Variants in OPCML observed in about 807,000 individuals in gnomAD.
The protein encoded by OPCML is opioid-binding protein/cell adhesion molecule.
In OPCML, 13 loss-of-function variants were observed where a neutral mutation model predicts 37.8. The observed-to-expected ratio is 0.34, with a 90% CI of 0.22 to 0.55. The LOEUF (loss-of-function observed/expected upper bound fraction) is 0.55, where lower values mean the gene tolerates loss of function less well. Among genes scored for constraint, OPCML ranks in the 20% least tolerant of loss-of-function variants. The pLI is 0.91. For missense variants in OPCML, 341 were observed against 435.6 expected (o/e 0.78, Z 1.93); for synonymous variants, 176 against 168.8 (o/e 1.04, Z -0.33).
At chr11:132,450,899 C>G (rs2096066845) in intron 4 of OPCML, among the ~76,000 whole-genome samples, 1 of 152,096 alleles carries the variant, frequency 6.6e-6, no homozygotes, top group Non-Finnish European at 1.5e-5. Context: ...TTCTAAAAAG[C>G]GTTAGCTCTA....
chr11:132,446,995 G>A (rs2096057088), intron 4 of OPCML, among the ~76,000 whole-genome samples: 1 of 152,114 alleles, frequency 6.6e-6, no homozygotes, highest in African/African-American at 2.4e-5. Context: ...TGTTACCTAA[G>A]GGCGCTTTGG....
rs545923548 is a variant in OPCML at position 132,830,027 on chromosome 11, G to A, written c.146+112899C>T. 5.9e-5 allele frequency among the ~76,000 whole-genome samples: 9 copies of A among 152,216 alleles called. No homozygotes were observed. In the South Asian group the frequency reaches 6.2e-4, roughly 11 times the overall value. ...GCATTTACTATAGCACAATGAATCC[G>A]GACTTGTCAGCGTGTATGGCACCGC... is the stretch of plus-strand genomic sequence containing the variant. On this transcript the variant is annotated intron_variant, in intron 2 of 7. Coordinates refer to ENST00000524381, the MANE Select transcript of OPCML (RefSeq NM_001012393.5).
chr11:133,171,455 C>T (rs143825412), intron 1 of OPCML, among the ~76,000 whole-genome samples: 240 of 152,316 alleles, frequency 1.6e-3, no homozygotes, highest in African/African-American at 5.6e-3. Context: ...TCATATAACC[C>T]ATAGTGTTAG....
intron 1 of OPCML, among the ~76,000 whole-genome samples, chr11:133,070,756 G>T (rs1270154478): frequency 6.6e-6 from 1 of 152,194 alleles, no homozygotes; most frequent in Non-Finnish European, 1.5e-5. Flanking sequence ...GGTGGTCTGG[G>T]CAGGCAGCTG....
At chr11:133,077,537 G>T (rs1392760597) in intron 1 of OPCML, among the ~76,000 whole-genome samples, 1 of 152,156 alleles carries the variant, frequency 6.6e-6, no homozygotes, top group Non-Finnish European at 1.5e-5. Context: ...AACTCGGTAA[G>T]AATTTTTTTA....
At chr11:132,964,806 C>A (rs1214490138) in intron 1 of OPCML, among the ~76,000 whole-genome samples, 1 of 152,060 alleles carries the variant, frequency 6.6e-6, no homozygotes, top group Non-Finnish European at 1.5e-5. Context: ...TCTATCGTTC[C>A]TTTATGAAGG....
chr11:132,679,506 A>G (rs922929058), intron 2 of OPCML, among the ~76,000 whole-genome samples: 2 of 152,240 alleles, frequency 1.3e-5, no homozygotes, highest in African/African-American at 4.8e-5. Flanking sequence ...CTCCTATTGT[A>G]TGATTCCATT....
chr11:133,415,195 G>A (rs1425859017), intron 1 of OPCML, among the ~76,000 whole-genome samples: 1 of 152,078 alleles, frequency 6.6e-6, no homozygotes, highest in Non-Finnish European at 1.5e-5. Flanking sequence ...GGATCACGAG[G>A]TCAGGAGATT....
chr11:133,050,468 A>T (rs1213527812), intron 1 of OPCML, among the ~76,000 whole-genome samples: 1 of 152,190 alleles, frequency 6.6e-6, no homozygotes, highest in Non-Finnish European at 1.5e-5. Context: ...CCTTTGGAAG[A>T]CACAAGCATC....
chr11:133,396,232 C>A (rs1051538539), intron 1 of OPCML, among the ~76,000 whole-genome samples: 12 of 151,692 alleles, frequency 7.9e-5, no homozygotes, highest in Non-Finnish European at 7.4e-5. Flanking sequence ...GATTTTGTAT[C>A]CTGCAAATAA....
intron 4 of OPCML, among the ~76,000 whole-genome samples, chr11:132,459,198 A>G (rs1312601478): frequency 6.6e-6 from 1 of 151,924 alleles, no homozygotes; most frequent in Non-Finnish European, 1.5e-5. Context: ...CACTTATACC[A>G]CTGACCCTCC....
chr11:133,043,737 T>C (rs1947952525), intron 1 of OPCML, among the ~76,000 whole-genome samples: 1 of 151,930 alleles, frequency 6.6e-6, no homozygotes, highest in East Asian at 1.9e-4. Flanking sequence ...TGATGAAAAG[T>C]GCAGGAAAAA....
chr11:133,266,055 GA>G (rs1169734256), intron 1 of OPCML, among the ~76,000 whole-genome samples: 3 of 150,556 alleles, frequency 2.0e-5, no homozygotes, highest in Non-Finnish European at 3.0e-5. Flanking sequence ...GCAACACTAG[GA>G]AAAAAAAAGT....
chr11:133,004,287 A>G, intron 1 of OPCML: 1 of 985,360 alleles, frequency 1.0e-6, no homozygotes, highest in Non-Finnish European at 1.2e-6. Flanking sequence ...AGCAAATGTG[A>G]TTTTGCTGTA....
At chr11:132,572,743 T>C (rs1309537708) in intron 3 of OPCML, among the ~76,000 whole-genome samples, 1 of 152,142 alleles carries the variant, frequency 6.6e-6, no homozygotes, top group East Asian at 1.9e-4. Context: ...ATTTTGTAGT[T>C]CTATATGAAT....
chr11:133,361,578 C>T (rs1045702378), intron 1 of OPCML: 14 of 162,862 alleles, frequency 8.6e-5, no homozygotes, highest in Non-Finnish European at 1.3e-5. Flanking sequence ...CTCCGGGGCA[C>T]CTGCAGCTAT....
intron 3 of OPCML, among the ~76,000 whole-genome samples, chr11:132,553,045 T>C (rs1591540845): frequency 1.3e-5 from 2 of 152,286 alleles, no homozygotes; most frequent in African/African-American, 2.4e-5. Flanking sequence ...ATTACAGTCA[T>C]GAGCCACTAC....
At chr11:133,327,731 G>A (rs1943508830) in intron 1 of OPCML, among the ~76,000 whole-genome samples, 1 of 152,154 alleles carries the variant, frequency 6.6e-6, no homozygotes, top group African/African-American at 2.4e-5. Flanking sequence ...TCCTTTGATA[G>A]GCAGAGACAT....
chr11:132,488,998 G>A (rs2096208089), intron 4 of OPCML, among the ~76,000 whole-genome samples: 1 of 152,212 alleles, frequency 6.6e-6, no homozygotes. Context: ...GCTCTCAGGA[G>A]TGAAATGAGG....
Sources: gnomAD v4.1 joint callset for allele counts (sites outside exome capture counted in the v4.1 genomes callset) on GRCh38, gnomAD v4.1.1 for gene constraint, MANE v1.5 for transcripts, NCBI Gene and HGNC (gene_info 2026-07-23, HGNC 2026-07-21) for gene names.